Variants in PIK3CD observed in about 807,000 individuals in gnomAD.
The protein encoded by PIK3CD is phosphatidylinositol-4,5-bisphosphate 3-kinase catalytic subunit delta.
Under a neutral mutation model 122.9 loss-of-function variants are expected in PIK3CD, and 20 were observed. That is an observed-to-expected ratio of 0.16 (90% confidence interval 0.11 to 0.24). The LOEUF (loss-of-function observed/expected upper bound fraction) is 0.24, where lower values mean the gene tolerates loss of function less well. Ranked by LOEUF, PIK3CD falls within the 10% of genes least tolerant of loss-of-function variation. The probability of loss-of-function intolerance (pLI) is 1.00; values close to 1 mark genes in which losing one functional copy is unlikely to be tolerated. For synonymous variants in PIK3CD, 596 were observed against 593.4 expected (o/e 1.00, Z -0.06); for missense variants, 787 against 1,406.3 (o/e 0.56, Z 7.04).
rs1435774309 is a variant in PIK3CD, at chr1:9,719,992, C to CCT, written c.1317_1318dup (p.Tyr440SerfsTer15). On this transcript the variant is annotated frameshift_variant, in exon 10 of 24. Transcript: ENST00000377346. LOFTEE classifies it high-confidence loss of function. The surrounding 1 kb of genome is among the most constrained non-coding windows in gnomAD (Gnocchi z 5.5). The stretch of plus-strand genomic sequence containing the variant: ...ACCAGCTTAAGACCGGGGAACGCTG[C>CCT]CTCTACATGTGGCCCTCCGTCCCAG... 1 of 1,613,716 alleles carries CCT rather than the reference C, an allele frequency of 6.2e-7. No homozygotes were observed. The highest frequency in any genetic ancestry group is 1.7e-5 in the Admixed American group (1 of 60,034).
chr1:9,627,308 C>A, the PIK3CD span, among the ~76,000 whole-genome samples: 1 of 152,254 alleles, frequency 6.6e-6, no homozygotes, highest in Non-Finnish European at 1.5e-5. Context: ...GGCTCCGTGG[C>A]GGCCTCTTTG....
At chr1:9,649,043 A>C (rs932617859), upstream of PIK3CD, among the ~76,000 whole-genome samples, 2 of 152,122 alleles carry the variant, frequency 1.3e-5, no homozygotes, top group African/African-American at 2.4e-5. Context: ...CCAAGGTGGC[A>C]GTGAGCCAAG....
chr1:9,632,917 A>C, the PIK3CD span, among the ~76,000 whole-genome samples: 2 of 144,026 alleles, frequency 1.4e-5, no homozygotes, highest in South Asian at 2.2e-4. Context: ...GCTGGAGTGC[A>C]GTGGTGCCAT....
chr1:9,707,412 T>C (rs1646880833), intron 2 of PIK3CD, among the ~76,000 whole-genome samples: 1 of 151,780 alleles, frequency 6.6e-6, no homozygotes, highest in Non-Finnish European at 1.5e-5. Flanking sequence ...AGGTTTGTTA[T>C]ATAGGTAAAC....
rs1648771916 is a variant in PIK3CD at position 9,722,112 on chromosome 1, G to A, written c.2193G>A (p.Leu731=). ...CCTACCTAGAGGCCCTCTCCCACCT[G>A]CAGTCCCCACTCGACCCCAGCACCC... ...QEAYLEALSH[L]QSPLDPSTLL... is the part of the protein sequence containing the mutation. Residue 731 remains leucine, a synonymous_variant, in exon 17 of 24, where the codon CTG becomes CTA. Transcript: ENST00000377346. This position sits in a 1 kb window ranked among gnomAD's most constrained non-coding sequence, Gnocchi z 7.6. 1 of 1,613,180 alleles carries A rather than the reference G, an allele frequency of 6.2e-7. No homozygotes were observed.
rs558550498 is a variant in PIK3CD, at chr1:9,677,162, G to A, written c.-137-14305G>A. Among the ~76,000 whole-genome samples the A allele has an allele frequency of 2.6e-5, 4 of 152,332 alleles. No individual in the cohort carries two copies. In the East Asian group the frequency reaches 7.7e-4, roughly 29 times the overall value. On this transcript the variant is annotated intron_variant, in intron 1 of 23. Coordinates refer to ENST00000377346, the MANE Select transcript of PIK3CD (RefSeq NM_005026.5). The stretch of plus-strand genomic sequence containing the variant: ...TGAGTGCCGAGTGCCTGGGCAGAGA[G>A]CCAGCTGCAGATCTCACCCCAGGAG...
At chr1:9,687,989 G>A (rs1013255217) in intron 1 of PIK3CD, among the ~76,000 whole-genome samples, 3 of 152,200 alleles carry the variant, frequency 2.0e-5, no homozygotes, top group Admixed American at 6.5e-5. Flanking sequence ...GCCGCCGAGG[G>A]CGGAGGGAAG....
chr1:9,722,355 T>C lies in PIK3CD; in HGVS notation c.2346T>C (p.Asp782=), dbSNP rs1405728289. The change falls in exon 18 of 24, where the codon GAT becomes GAC. Residue 782 remains aspartate, a splice_region_variant and synonymous_variant. Transcript: ENST00000377346. The surrounding 1 kb of genome is among the most constrained non-coding windows in gnomAD (Gnocchi z 7.6). ...TGGGCATCATCTTTAAGAACGGGGA[T>C]GGTGAGGGCCTGGCCTCCCCACACC... The part of the protein sequence containing the change: ...GSVGIIFKNG[D]DLRQDMLTLQ... The C allele has an allele frequency of 4.3e-6, 7 of 1,609,332 alleles. No individual in the cohort carries two copies. The highest frequency in any genetic ancestry group is 5.9e-6 in the Non-Finnish European group (7 of 1,177,760).
At chr1:9,726,341 T>C (rs1233596152) in intron 23 of PIK3CD, among the ~76,000 whole-genome samples, 1 of 151,662 alleles carries the variant, frequency 6.6e-6, no homozygotes, top group Non-Finnish European at 1.5e-5. Flanking sequence ...ACCCCGTCTC[T>C]ACTAAAAAAT....
rs1184091955 is a variant in PIK3CD, at chr1:9,720,493, C to T, written c.1471-118C>T. On this transcript the variant is annotated intron_variant, in intron 11 of 23. Transcript: ENST00000377346. The surrounding 1 kb of genome is among the most constrained non-coding windows in gnomAD (Gnocchi z 9.0). ...GGAGGCCAGAGCTGCTGTGGATGCG[C>T]CTCCATGCAGAGGACAGCGCCCCCT... 1 of 1,518,982 alleles carries T rather than the reference C, an allele frequency of 6.6e-7. No homozygotes were observed. The highest frequency in any genetic ancestry group is 2.1e-5 in the Admixed American group (1 of 48,514). 94.1% of individuals were successfully genotyped at this position (1,518,982 alleles called of 1,614,324 possible).
Position 9,715,659 on chromosome 1 carries a change from G to A in PIK3CD, c.260G>A (p.Arg87Gln), listed in dbSNP as rs1557659523. ...AEQQELEDEQRRLCDVQPFLP... is the reference protein window; with the variant it reads ...AEQQELEDEQQRLCDVQPFLP... Reference sequence around the variant, plus strand: ...CAGCAAGAGCTGGAGGACGAGCAACGGCGTCTGTGTGACGTGCAGCCCTTC... The same window carrying A: ...CAGCAAGAGCTGGAGGACGAGCAACAGCGTCTGTGTGACGTGCAGCCCTTC... Residue 87 changes from arginine (R) to glutamine (Q), a missense_variant, in exon 4 of 24, where the codon CGG becomes CAG. Arg to Gln is a conservative substitution (Grantham distance 43). Transcript: ENST00000377346. This position sits in a 1 kb window ranked among gnomAD's most constrained non-coding sequence, Gnocchi z 4.1. 1 of 1,613,774 alleles carries A rather than the reference G, an allele frequency of 6.2e-7. No individual in the cohort carries two copies. Among genetic ancestry groups the A allele is most frequent in the Non-Finnish European group, 8.5e-7 (1 of 1,180,042 alleles).
chr1:9,726,850 G>C, intron 23 of PIK3CD, 59 bp from the exon 24 acceptor site: 1 of 1,607,186 alleles, frequency 6.2e-7, no homozygotes, highest in Non-Finnish European at 8.5e-7. Flanking sequence ...AGAGAGGGAC[G>C]CATCCCAGAG....
intron 2 of PIK3CD, among the ~76,000 whole-genome samples, chr1:9,707,659 C>T (rs905826125): frequency 6.6e-6 from 1 of 152,134 alleles, no homozygotes; most frequent in Non-Finnish European, 1.5e-5. Context: ...TGGCCTCCAG[C>T]TCCATCCATG....
At chr1:9,630,438 T>C in the PIK3CD span, among the ~76,000 whole-genome samples, 21 of 152,252 alleles carry the variant, frequency 1.4e-4, no homozygotes, top group African/African-American at 5.1e-4. Context: ...CACTCATGTA[T>C]TCCTTCATTC....
At chr1:9,721,914 A>C (rs1011452658) in intron 16 of PIK3CD, 54 bp downstream of exon 16, 4 of 1,612,448 alleles carry the variant, frequency 2.5e-6, no homozygotes, top group Admixed American at 3.3e-5. Context: ...GCGTCTGGGA[A>C]TCCCCAGGGC....
rs951103601 is a variant in PIK3CD at position 9,717,719 on chromosome 1, C to T, written c.1020+93C>T. ...GGGGTAGCAGAGGAAGGAGGGGGAT[C>T]ACATGAAAGCCACCTGACCACATTA... is the stretch of plus-strand genomic sequence containing the variant. On this transcript the variant is annotated intron_variant, in intron 8 of 23. Transcript: ENST00000377346. This position sits in a 1 kb window ranked among gnomAD's most constrained non-coding sequence, Gnocchi z 5.4. The T allele has an allele frequency of 4.4e-6, 5 of 1,129,686 alleles. No homozygotes were observed. The highest frequency in any genetic ancestry group is 1.9e-4 in the Middle Eastern group (1 of 5,144). The allele number at this position is 1,129,686 out of a possible 1,614,324, so 70.0% of individuals were successfully genotyped here. A position where few individuals can be genotyped will look rare whatever the true frequency, so the allele number is the denominator to read the frequency against.
rs913442113 is a variant in PIK3CD at position 9,700,030 on chromosome 1, G to A, written c.-33+8459G>A. 2.6e-5 allele frequency among the ~76,000 whole-genome samples: 4 copies of A among 152,162 alleles called. No homozygotes were observed. The highest frequency in any genetic ancestry group is 5.9e-5 in the Non-Finnish European group (4 of 68,028). ...CCCTGACCCACCATCCAAAGGAAAC[G>A]CTGCCTGCAAGCCCCTTTTTATTAT... On this transcript the variant is annotated intron_variant, in intron 2 of 23. Coordinates refer to ENST00000377346, the MANE Select transcript of PIK3CD (RefSeq NM_005026.5). This position sits in a 1 kb window ranked among gnomAD's most constrained non-coding sequence, Gnocchi z 5.1.
chr1:9,661,519 G>C (rs1266476543), intron 1 of PIK3CD, among the ~76,000 whole-genome samples: 1 of 152,190 alleles, frequency 6.6e-6, no homozygotes, highest in Non-Finnish European at 1.5e-5. Flanking sequence ...CTCTGGAGTA[G>C]CCGGGACTGT....
chr1:9,638,204 T>A, the PIK3CD span, among the ~76,000 whole-genome samples: 28,816 of 152,112 alleles, frequency 0.19, 2,770 homozygotes, highest in East Asian at 0.24. Flanking sequence ...AGGCTCCTTA[T>A]CAACCTAAAG....
Sources: gnomAD v4.1 joint callset for allele counts (sites outside exome capture counted in the v4.1 genomes callset) on GRCh38, gnomAD v4.1.1 for gene constraint, Gnocchi (gnomAD v3.1) non-coding constraint, MANE v1.5 for transcripts, NCBI Gene and HGNC (gene_info 2026-07-23, HGNC 2026-07-21) for gene names.